Variants in KMT2E observed in about 807,000 individuals in gnomAD.
KMT2E encodes the protein histone reader KMT2E.
KMT2E carries 30 observed loss-of-function variants against 184.6 expected under a neutral mutation model. That is an observed-to-expected ratio of 0.16 (90% CI 0.12 to 0.22). The LOEUF (loss-of-function observed/expected upper bound fraction) is 0.22, where lower values mean the gene tolerates loss of function less well. Ranked by LOEUF, KMT2E falls within the 10% of genes least tolerant of loss-of-function variation. The probability of loss-of-function intolerance (pLI) is 1.00; values close to 1 mark genes in which losing one functional copy is unlikely to be tolerated. For synonymous variants in KMT2E, 815 were observed against 776.5 expected (o/e 1.05, Z -0.82); for missense variants, 2,023 against 2,237.4 (o/e 0.90, Z 1.93).
chr7:105,019,969 G>A (rs1001620217), intron 1 of KMT2E, among the ~76,000 whole-genome samples: 1 of 151,822 alleles, frequency 6.6e-6, no homozygotes, highest in Admixed American at 6.6e-5. Flanking sequence ...TTAGCCGGGC[G>A]TGGTGGCAGG....
At chr7:105,032,576 A>C (rs1795470464) in intron 1 of KMT2E, among the ~76,000 whole-genome samples, 1 of 152,184 alleles carries the variant, frequency 6.6e-6, no homozygotes, top group Admixed American at 6.5e-5. Context: ...ATCATGGTTC[A>C]CTGTCACCTC....
At chr7:105,073,719 T>G in intron 7 of KMT2E, 42 bp downstream of exon 7, 1 of 1,210,838 alleles carries the variant, frequency 8.3e-7, no homozygotes, top group Non-Finnish European at 1.2e-6. Context: ...TTCGTGTGAT[T>G]GAGAGAATAA....
At chr7:105,023,446 A>ATT (rs768807801) in intron 1 of KMT2E, among the ~76,000 whole-genome samples, 64 of 129,292 alleles carry the variant, frequency 5.0e-4, no homozygotes, top group East Asian at 2.4e-3. Flanking sequence ...TCATTAAGCA[A>ATT]TTTTTTTTTT....
intron 9 of KMT2E, among the ~76,000 whole-genome samples, 149 bp from the exon 10 acceptor site, chr7:105,076,809 AGAAAC>A (rs1797543266): frequency 1.3e-5 from 2 of 152,074 alleles, no homozygotes; most frequent in Non-Finnish European, 2.9e-5. Flanking sequence ...TTTCTGGAAA[AGAAAC>A]CGTTAAACAG....
chr7:105,098,721 A>G (rs1456136199), intron 15 of KMT2E, among the ~76,000 whole-genome samples: 1 of 151,936 alleles, frequency 6.6e-6, no homozygotes, highest in East Asian at 1.9e-4. Context: ...TTTTGTGGAG[A>G]TGGGAGTCTT....
At chr7:105,095,628 T>C (rs1798375170) in intron 15 of KMT2E, among the ~76,000 whole-genome samples, 1 of 152,232 alleles carries the variant, frequency 6.6e-6, no homozygotes, top group Admixed American at 6.5e-5. Context: ...ATCCATGATA[T>C]TTTGTCTTTT....
At chr7:105,036,936 A>G (rs1448155025) in intron 1 of KMT2E, among the ~76,000 whole-genome samples, 1 of 152,174 alleles carries the variant, frequency 6.6e-6, no homozygotes, top group African/African-American at 2.4e-5. Flanking sequence ...TTGCCCAAGC[A>G]TTCGTAGGTA....
intron 6 of KMT2E, among the ~76,000 whole-genome samples, chr7:105,072,324 T>G (rs534606968): frequency 6.6e-6 from 1 of 152,052 alleles, no homozygotes; most frequent in African/African-American, 2.4e-5. Flanking sequence ...AGACTCCGTC[T>G]CAAAAAACAA....
chr7:105,021,378 C>CA (rs1266862540), intron 1 of KMT2E, among the ~76,000 whole-genome samples: 1 of 152,210 alleles, frequency 6.6e-6, no homozygotes, highest in Non-Finnish European at 1.5e-5. Context: ...CCTGGCACCA[C>CA]AGATGCAGAG....
chr7:105,052,148 C>T (rs1796376954), intron 3 of KMT2E, among the ~76,000 whole-genome samples: 2 of 152,212 alleles, frequency 1.3e-5, no homozygotes, highest in Non-Finnish European at 2.9e-5. Context: ...GGCCCTCCTT[C>T]CCTAATCTCG....
chr7:105,074,150 A>C (rs982715677), intron 7 of KMT2E, among the ~76,000 whole-genome samples: 1 of 151,576 alleles, frequency 6.6e-6, no homozygotes, highest in Non-Finnish European at 1.5e-5. Context: ...TTATTCAACT[A>C]TTCCTCTTTG....
intron 3 of KMT2E, among the ~76,000 whole-genome samples, chr7:105,050,556 G>A (rs930781304): frequency 2.0e-5 from 3 of 151,822 alleles, no homozygotes; most frequent in African/African-American, 7.3e-5. Flanking sequence ...TGGAATTCTT[G>A]ATGTTCTTCT....
At chr7:105,063,683 C>G in intron 5 of KMT2E, 103 bp downstream of exon 5, 1 of 753,332 alleles carries the variant, frequency 1.3e-6, no homozygotes, top group Non-Finnish European at 2.1e-6. Flanking sequence ...TTAATGGATA[C>G]ATATTTTAAG....
chr7:105,020,195 C>T (rs1235884485), intron 1 of KMT2E, among the ~76,000 whole-genome samples: 1 of 151,718 alleles, frequency 6.6e-6, no homozygotes, highest in African/African-American at 2.4e-5. Context: ...ATTGTGTAAT[C>T]ACACCTGTGT....
At chr7:105,055,912 CTTT>C (rs368973029) in intron 3 of KMT2E, among the ~76,000 whole-genome samples, 1 of 145,220 alleles carries the variant, frequency 6.9e-6, no homozygotes, top group Admixed American at 6.9e-5. Flanking sequence ...AGAAGGATCA[CTTT>C]TTTTTTTTTT....
chr7:105,079,487 T>C (rs189101101), intron 12 of KMT2E, among the ~76,000 whole-genome samples: 1 of 149,570 alleles, frequency 6.7e-6, no homozygotes, highest in East Asian at 2.0e-4. Context: ...ATGATGCTCC[T>C]TATAAGAGGA....
intron 1 of KMT2E, among the ~76,000 whole-genome samples, chr7:105,019,671 G>A (rs1304486553): frequency 6.6e-6 from 1 of 152,162 alleles, no homozygotes; most frequent in East Asian, 1.9e-4. Flanking sequence ...GCAGGTCAAC[G>A]TGATAAGCAA....
intron 3 of KMT2E, among the ~76,000 whole-genome samples, chr7:105,055,650 TTGTC>T (rs1483580521): frequency 2.6e-5 from 4 of 152,260 alleles, no homozygotes; most frequent in African/African-American, 9.6e-5. Context: ...GTGCTGCTGG[TTGTC>T]TGTAGATCAT....
intron 1 of KMT2E, among the ~76,000 whole-genome samples, chr7:105,032,909 T>C (rs1795486662): frequency 6.6e-6 from 1 of 152,252 alleles, no homozygotes; most frequent in Non-Finnish European, 1.5e-5. Flanking sequence ...AAGTAGAATA[T>C]ACCAGTGAAA....
Sources: allele counts gnomAD v4.1 joint callset (sites outside exome capture counted in the v4.1 genomes callset), GRCh38; gene constraint gnomAD v4.1.1; transcripts MANE v1.5; gene names NCBI Gene and HGNC (gene_info 2026-07-23, HGNC 2026-07-21).